VPS9D1: variants seen among roughly 807,000 people sequenced by gnomAD.
The protein encoded by VPS9D1 is VPS9 domain-containing protein 1.
Under a neutral mutation model 75.8 loss-of-function variants are expected in VPS9D1, and 78 were observed. The ratio of observed to expected loss-of-function variants is 1.03; its 90% confidence interval spans 0.86 to 1.24. VPS9D1 has a LOEUF of 1.24. Among genes scored for constraint, VPS9D1 ranks in the 50% most tolerant of loss-of-function variants. The pLI is 0.00. For synonymous variants in VPS9D1, 481 were observed against 385.6 expected (o/e 1.25, Z -2.90); for missense variants, 1,057 against 847.7 (o/e 1.25, Z -3.07).
Position 89,711,335 on chromosome 16 carries a change from G to A in VPS9D1, c.825C>T (p.His275=), listed in dbSNP as rs775576701. 1.6e-5 allele frequency: 26 copies of A among 1,609,344 alleles called. No homozygotes were observed. The highest frequency in any genetic ancestry group is 2.2e-5 in the Non-Finnish European group (26 of 1,178,090). The change falls in exon 9 of 15, where the codon CAC becomes CAT. Residue 275 remains histidine, a synonymous_variant. Coordinates refer to ENST00000389386, the MANE Select transcript of VPS9D1 (RefSeq NM_004913.3). ...CCTGAAGGCCCAGCTACCTGAGCAG[G>A]TGTGAGACCAGGCTGGTCACGAGTG... ...DLSLVTSLVS[H]LLSLPDHPIA...
At chr16:89,709,020 A>ACCCCAC in intron 12 of VPS9D1, 64 bp from the exon 13 acceptor site, 1 of 1,277,898 alleles carries the variant, frequency 7.8e-7, no homozygotes, top group Admixed American at 3.1e-5. Context: ...CACCCCTTAT[A>ACCCCAC]CCCCGCCCAC....
At chr16:89,719,931 C>A (rs954419037) in intron 1 of VPS9D1, among the ~76,000 whole-genome samples, 1 of 152,228 alleles carries the variant, frequency 6.6e-6, no homozygotes, top group African/African-American at 2.4e-5. Flanking sequence ...GTTGGCCAGG[C>A]TGGTCTCAAA....
At position 89,707,946 on chromosome 16, in the gene VPS9D1, A is replaced by G. The variant is rs1457730790; in HGVS notation, c.1811T>C (p.Ile604Thr). The part of the protein sequence containing the change: ...LEEFIHEGYL[I>T]GEEGYCLTSL... Reference sequence around the variant, plus strand: ...TGTGAGGCAGTAGCCCTCCTCTCCGATCAGGTACCTGCATGGATGGCAGGG... The same window carrying G: ...TGTGAGGCAGTAGCCCTCCTCTCCGGTCAGGTACCTGCATGGATGGCAGGG... Residue 604 changes from isoleucine to threonine, a missense_variant, in exon 15 of 15, where the codon ATC becomes ACC. Transcript: ENST00000389386. 10 of 1,612,800 alleles carry G rather than the reference A, an allele frequency of 6.2e-6. No individual in the cohort carries two copies. The highest frequency in any genetic ancestry group is 8.5e-6 in the Non-Finnish European group (10 of 1,179,916).
Position 89,711,871 on chromosome 16 carries a change from G to C in VPS9D1, c.747+11C>G, listed in dbSNP as rs770955377. On this transcript the variant is annotated intron_variant, in intron 8 of 14. Transcript: ENST00000389386. Reference sequence around the variant, plus strand: ...CTCCTCCTACAAAGCCTGGGCCCGTGGGGGACGCACATGGTCCTGTTCGTA... The same window carrying C: ...CTCCTCCTACAAAGCCTGGGCCCGTCGGGGACGCACATGGTCCTGTTCGTA... The C allele has an allele frequency of 6.5e-6, 10 of 1,549,718 alleles. No homozygotes were observed. The highest frequency in any genetic ancestry group is 2.4e-5 in the South Asian group (2 of 84,066).
In VPS9D1 at chr16:89,709,110, G is replaced by A. The variant is rs558320618; in HGVS notation, c.1597+117C>T. The A allele has an allele frequency of 1.4e-3, 2,111 of 1,463,264 alleles. 25 individuals carry two copies. In the Admixed American group the frequency reaches 0.016, roughly 11 times the overall value. 90.6% of individuals were successfully genotyped at this position (1,463,264 alleles called of 1,614,324 possible). On this transcript the variant is annotated intron_variant, in intron 12 of 14. Coordinates refer to ENST00000389386, the MANE Select transcript of VPS9D1 (RefSeq NM_004913.3). ...TTGCTCAGACACCACTTTTGTTCTG[G>A]TCCCCCAACCTCCCCACCGGCACGT...
chr16:89,720,695 C>T (rs2061238420), intron 1 of VPS9D1, 68 bp downstream of exon 1: 8 of 1,320,364 alleles, frequency 6.1e-6, no homozygotes, highest in Non-Finnish European at 6.8e-6. Flanking sequence ...CCGTCCTCGC[C>T]CTCCCCGGGC....
chr16:89,718,882 T>A (rs1045830907), intron 2 of VPS9D1, 145 bp downstream of exon 2: 3 of 663,564 alleles, frequency 4.5e-6, no homozygotes, highest in East Asian at 2.9e-5. Context: ...CCCAGCTGAT[T>A]TTTTAGATTT....
chr16:89,708,210 C>T (rs2060833348), intron 14 of VPS9D1, among the ~76,000 whole-genome samples: 1 of 152,218 alleles, frequency 6.6e-6, no homozygotes, highest in Non-Finnish European at 1.5e-5. Context: ...GCCCCCAGCT[C>T]CTGCTGTCTG....
chr16:89,712,229 C>G lies in VPS9D1; in HGVS notation c.607-130G>C, dbSNP rs554499787. 8 of 1,415,998 alleles carry G rather than the reference C, an allele frequency of 5.6e-6. No individual in the cohort carries two copies. In the Admixed American group the frequency reaches 1.8e-4, roughly 31 times the overall value. The allele number at this position is 1,415,998 out of a possible 1,614,324, so 87.7% of individuals were successfully genotyped here. On this transcript the variant is annotated intron_variant, in intron 6 of 14. Transcript: ENST00000389386. ...GGTGAGGGGCTGTCCCCAGGTAAGGCTTCTGGGGCAGAAGGCAGCCTGCGC... is the reference window on the plus strand; with the variant it reads ...GGTGAGGGGCTGTCCCCAGGTAAGGGTTCTGGGGCAGAAGGCAGCCTGCGC...
chr16:89,712,644 C>T lies in VPS9D1; in HGVS notation c.504G>A (p.Ala168=), dbSNP rs759191416. The change falls in exon 5 of 15, where the codon GCG becomes GCA. Residue 168 remains alanine (A), a synonymous_variant. Coordinates refer to ENST00000389386, the MANE Select transcript of VPS9D1 (RefSeq NM_004913.3). The part of the protein sequence containing the change: ...KLKAAYEARM[A]RLDPSQAMQK... Reference sequence around the variant, plus strand: ...GCATGGCCTGGCTGGGGTCTAGCCGCGCCATTCGGGCCTCATACGCAGCCT... The same window carrying T: ...GCATGGCCTGGCTGGGGTCTAGCCGTGCCATTCGGGCCTCATACGCAGCCT... 6.2e-6 allele frequency: 10 copies of T among 1,611,448 alleles called. No individual in the cohort carries two copies. The South Asian group carries it at 8.8e-5, about 14-fold the overall frequency.
intron 2 of VPS9D1, among the ~76,000 whole-genome samples, chr16:89,718,515 C>A (rs141123955): frequency 4.2e-4 from 64 of 152,248 alleles, no homozygotes; most frequent in African/African-American, 1.4e-3. Flanking sequence ...ACCCCAGTCT[C>A]CATCTTCTTA....
At position 89,716,577 on chromosome 16, in the gene VPS9D1, G is replaced by T. The variant is rs779572514; in HGVS notation, c.316C>A (p.Gln106Lys). 4 of 1,614,016 alleles carry T rather than the reference G, an allele frequency of 2.5e-6. No homozygotes were observed. The highest frequency in any genetic ancestry group is 3.4e-6 in the Non-Finnish European group (4 of 1,179,966). ...PTMPAAAPIP[Q>K]PAGRHRRVYS... ...ACACGGCGGTGTCGGCCGGCAGGCT[G>T]GGGAATGGGAGCAGCTGCAGGCATG... is the stretch of plus-strand genomic sequence containing the variant. The change falls in exon 4 of 15, where the codon CAG (glutamine) becomes AAG (lysine). Residue 106 changes from glutamine (Q) to lysine (K), a missense_variant. Transcript: ENST00000389386.
chr16:89,707,788 T>C lies in VPS9D1; in HGVS notation c.*73A>G, dbSNP rs2060825339. ...CCAGGATGGTCCTCAGTAGATCCCA[T>C]GGCTCCAGGTGTAGGAGAGACAGCC... is the stretch of plus-strand genomic sequence containing the variant. On this transcript the variant is annotated 3_prime_UTR_variant, in exon 15 of 15. Coordinates refer to ENST00000389386, the MANE Select transcript of VPS9D1 (RefSeq NM_004913.3). 5.7e-6 allele frequency: 8 copies of C among 1,401,896 alleles called. No homozygotes were observed. The highest frequency in any genetic ancestry group is 2.8e-5 in the African/African-American group (2 of 70,546). The allele number at this position is 1,401,896 out of a possible 1,614,324, so 86.8% of individuals were successfully genotyped here. A position where few individuals can be genotyped will look rare whatever the true frequency, so the allele number is the denominator to read the frequency against.
At position 89,712,105 on chromosome 16, in the gene VPS9D1, T is replaced by G. The variant is rs1410434684; in HGVS notation, c.607-6A>C. ...TCCTCCATCTTTCTCTGGAGCTGGG[T>G]GCAGAGTCAAGGGGCCGAGCGTGGG... On this transcript the variant is annotated splice_polypyrimidine_tract_variant and splice_region_variant and intron_variant, in intron 6 of 14. Transcript: ENST00000389386. The G allele has an allele frequency of 6.5e-7, 1 of 1,548,058 alleles. No individual in the cohort carries two copies. The highest frequency in any genetic ancestry group is 1.4e-5 in the African/African-American group (1 of 72,928).
At chr16:89,714,010 C>T (rs962715811) in intron 4 of VPS9D1, among the ~76,000 whole-genome samples, 3 of 152,094 alleles carry the variant, frequency 2.0e-5, no homozygotes, top group Non-Finnish European at 4.4e-5. Context: ...AATCTCAACT[C>T]ACTGCAACCT....
chr16:89,716,854 C>T (rs182316249), intron 2 of VPS9D1, 32 bp from the exon 3 acceptor site: 272 of 1,555,658 alleles, frequency 1.7e-4, no homozygotes, highest in Non-Finnish European at 2.1e-4. Context: ...TGGTCACAGT[C>T]GGCTCTACCA....
chr16:89,711,542 C>T, intron 8 of VPS9D1, 130 bp from the exon 9 acceptor site: 1 of 919,640 alleles, frequency 1.1e-6, no homozygotes, highest in Non-Finnish European at 1.6e-6. Flanking sequence ...CCAGCGCCAG[C>T]AGGCCCCGCG....
In VPS9D1 at chr16:89,717,668, T is replaced by C. The variant is rs1276556860; in HGVS notation, c.176-846A>G. 2.0e-5 allele frequency: 9 copies of C among 455,636 alleles called. No homozygotes were observed. In the East Asian group the frequency reaches 5.6e-4, roughly 28 times the overall value. 28.2% of individuals were successfully genotyped at this position (455,636 alleles called of 1,614,324 possible). A position where few individuals can be genotyped will look rare whatever the true frequency, so the allele number is the denominator to read the frequency against. On this transcript the variant is annotated intron_variant, in intron 2 of 14. Transcript: ENST00000389386. ...GAAACTGCCCTTACCCGTCCCCACC[T>C]TGCCAGACACGGTGGGCCACTGGAG... is the stretch of plus-strand genomic sequence containing the variant.
Position 89,708,729 on chromosome 16 carries a change from C to G in VPS9D1, c.1697+128G>C. 6.0e-6 allele frequency: 7 copies of G among 1,165,648 alleles called. No homozygotes were observed. In the South Asian group the frequency reaches 7.8e-5, roughly 13 times the overall value. The allele number at this position is 1,165,648 out of a possible 1,614,324, so 72.2% of individuals were successfully genotyped here. A position where few individuals can be genotyped will look rare whatever the true frequency, so the allele number is the denominator to read the frequency against. On this transcript the variant is annotated intron_variant, in intron 13 of 14. Coordinates refer to ENST00000389386, the MANE Select transcript of VPS9D1 (RefSeq NM_004913.3). ...CTGCGGAGCCAGGGCTGGGCCCACA[C>G]GGCCCTCCTGCTTCTACAGTGCAGC... is the stretch of plus-strand genomic sequence containing the variant.
Sources: allele counts gnomAD v4.1 joint callset (sites outside exome capture counted in the v4.1 genomes callset), GRCh38; gene constraint gnomAD v4.1.1; transcripts MANE v1.5; gene names NCBI Gene and HGNC (gene_info 2026-07-23, HGNC 2026-07-21).